MED27: variants seen among roughly 807,000 people sequenced by gnomAD.
MED27 encodes the protein mediator complex subunit 27.
In MED27, 30 loss-of-function variants were observed where a neutral mutation model predicts 38.2. That is an observed-to-expected ratio of 0.79 (90% CI 0.59 to 1.07). The LOEUF (loss-of-function observed/expected upper bound fraction) is 1.07. Among genes scored for constraint, MED27 ranks in the 50% least tolerant of loss-of-function variants. The pLI is 0.00. For synonymous variants in MED27, 122 were observed against 153.5 expected, an observed-to-expected ratio of 0.79 and a Z score of 1.52; for missense variants, 289 against 397.5, an observed-to-expected ratio of 0.73 and a Z score of 2.32.
intron 3 of MED27, among the ~76,000 whole-genome samples, chr9:131,973,625 TC>T (rs1293770605): frequency 9.9e-5 from 15 of 152,122 alleles, no homozygotes; most frequent in African/African-American, 3.6e-4. Context: ...GCTGCAGCCG[TC>T]TTGCAGCCAT....
In MED27 at chr9:131,862,770, G is replaced by A. The variant is rs1210905691; in HGVS notation, c.801+293C>T. ...AACCACAGGGCCTGGCCCAGATTAG[G>A]AGCTCAATGAAATATCTGTGGACTA... is the stretch of plus-strand genomic sequence containing the variant. On this transcript the variant is annotated intron_variant, in intron 7 of 7. Transcript: ENST00000292035. The surrounding 1 kb of genome is among the most constrained non-coding windows in gnomAD (Gnocchi z 4.6). 2.0e-5 allele frequency among the ~76,000 whole-genome samples: 3 copies of A among 152,200 alleles called. No homozygotes were observed. In the East Asian group the frequency reaches 5.8e-4, roughly 29 times the overall value.
intron 4 of MED27, among the ~76,000 whole-genome samples, chr9:131,939,111 G>A (rs1444965261): frequency 6.6e-6 from 1 of 152,194 alleles, no homozygotes; most frequent in African/African-American, 2.4e-5. Context: ...AACATTGGGA[G>A]GTTGCATTAA....
intron 2 of MED27, among the ~76,000 whole-genome samples, chr9:132,015,321 A>G (rs1832578163): frequency 6.6e-6 from 1 of 152,212 alleles, no homozygotes; most frequent in African/African-American, 2.4e-5. Context: ...GCATGCTTTA[A>G]ATGTGTCTGG....
At chr9:132,030,881 A>G (rs780593157) in intron 2 of MED27, among the ~76,000 whole-genome samples, 4 of 152,258 alleles carry the variant, frequency 2.6e-5, no homozygotes, top group African/African-American at 9.6e-5. Flanking sequence ...AAGAGGAGAC[A>G]GCAACAGAAA....
chr9:131,918,061 T>A (rs1177269773), intron 4 of MED27, among the ~76,000 whole-genome samples: 1 of 152,202 alleles, frequency 6.6e-6, no homozygotes, highest in African/African-American at 2.4e-5. Context: ...GGAGGTGGAA[T>A]TGCCTTCTCC....
intron 6 of MED27, among the ~76,000 whole-genome samples, chr9:131,882,425 A>G (rs1839064350): frequency 6.6e-6 from 1 of 152,242 alleles, no homozygotes; most frequent in South Asian, 2.1e-4. Context: ...GCCAAGGAGC[A>G]TTCACTTTAA....
At chr9:132,067,250 T>C (rs1038160344) in intron 2 of MED27, among the ~76,000 whole-genome samples, 1 of 152,198 alleles carries the variant, frequency 6.6e-6, no homozygotes, top group Non-Finnish European at 1.5e-5. Flanking sequence ...CATTTCACAG[T>C]CCAGCAGGTG....
intron 4 of MED27, among the ~76,000 whole-genome samples, chr9:131,911,098 A>G (rs1830179860): frequency 6.6e-6 from 1 of 152,228 alleles, no homozygotes; most frequent in Non-Finnish European, 1.5e-5. Context: ...ATAGACTGGA[A>G]TTTACCTTTC....
intron 4 of MED27, among the ~76,000 whole-genome samples, chr9:131,912,756 C>G (rs766495620): frequency 9.2e-5 from 14 of 152,200 alleles, no homozygotes; most frequent in Non-Finnish European, 1.3e-4. Context: ...AGTCTTGTAA[C>G]AGCATCACCA....
intron 4 of MED27, among the ~76,000 whole-genome samples, chr9:131,894,992 C>G (rs1829802047): frequency 6.6e-6 from 1 of 152,208 alleles, no homozygotes; most frequent in Non-Finnish European, 1.5e-5. Flanking sequence ...TGTCTGCCTC[C>G]CCTTAGACCT....
At chr9:131,900,038 A>G (rs1176008256) in intron 4 of MED27, among the ~76,000 whole-genome samples, 4 of 152,232 alleles carry the variant, frequency 2.6e-5, no homozygotes, top group Non-Finnish European at 4.4e-5. Flanking sequence ...TGCTGTTGCC[A>G]AGGTAACACT....
chr9:131,993,351 T>C (rs1564316033), intron 3 of MED27, among the ~76,000 whole-genome samples: 1 of 152,162 alleles, frequency 6.6e-6, no homozygotes, highest in Non-Finnish European at 1.5e-5. Context: ...TTCTTGATCT[T>C]AGCCATACAG....
intron 3 of MED27, among the ~76,000 whole-genome samples, chr9:131,979,903 A>C (rs1831693978): frequency 6.6e-6 from 1 of 152,014 alleles, no homozygotes; most frequent in South Asian, 2.1e-4. Context: ...TTCTTTCCTT[A>C]GGCTACTTGG....
chr9:131,920,279 T>A (rs1379498915), intron 4 of MED27, among the ~76,000 whole-genome samples: 1 of 152,198 alleles, frequency 6.6e-6, no homozygotes, highest in Non-Finnish European at 1.5e-5. Context: ...TATCAATAGG[T>A]ATATGTCTGT....
At chr9:131,909,892 AGTTT>A (rs1830156790) in intron 4 of MED27, among the ~76,000 whole-genome samples, 1 of 152,230 alleles carries the variant, frequency 6.6e-6, no homozygotes, top group Non-Finnish European at 1.5e-5. Flanking sequence ...ATTAAACTGT[AGTTT>A]GTTTGAAGAA....
In MED27 at chr9:132,003,274, A is replaced by T. The variant is rs1832283875; in HGVS notation, c.479+11063T>A. Among the ~76,000 whole-genome samples, 1 of 152,270 alleles carries T rather than the reference A, an allele frequency of 6.6e-6. No homozygotes were observed. On this transcript the variant is annotated intron_variant, in intron 3 of 7. Coordinates refer to ENST00000292035, the MANE Select transcript of MED27 (RefSeq NM_004269.4). The surrounding 1 kb of genome is among the most constrained non-coding windows in gnomAD (Gnocchi z 4.2). Reference sequence around the variant, plus strand: ...GAGGATGCAATGAAATATAATTTTCAGACTGCTTCTGCAGGCTGCCACATT... The same window carrying T: ...GAGGATGCAATGAAATATAATTTTCTGACTGCTTCTGCAGGCTGCCACATT...
chr9:132,066,020 A>G (rs1833801966), intron 2 of MED27, among the ~76,000 whole-genome samples: 1 of 152,198 alleles, frequency 6.6e-6, no homozygotes, highest in Admixed American at 6.5e-5. Flanking sequence ...CAAAGGAAGT[A>G]CAGTCCCTGG....
At chr9:131,907,787 G>A (rs187801061) in intron 4 of MED27, among the ~76,000 whole-genome samples, 1,285 of 121,154 alleles carry the variant, frequency 0.011, 2 homozygotes, top group Middle Eastern at 0.052. Context: ...GCCTCTTCCC[G>A]GCCGCCATCA....
At chr9:131,870,143 T>A (rs184744358) in intron 6 of MED27, among the ~76,000 whole-genome samples, 52 of 152,304 alleles carry the variant, frequency 3.4e-4, no homozygotes, top group African/African-American at 1.3e-3. Flanking sequence ...TTGGAGATCA[T>A]GAGTTATTTT....
Sources: allele counts gnomAD v4.1 joint callset (sites outside exome capture counted in the v4.1 genomes callset), GRCh38; gene constraint gnomAD v4.1.1; non-coding constraint Gnocchi (gnomAD v3.1); transcripts MANE v1.5; gene names NCBI Gene and HGNC (gene_info 2026-07-23, HGNC 2026-07-21).